MPPED1: variants seen among roughly 807,000 people sequenced by gnomAD.
MPPED1 encodes metallophosphoesterase domain-containing protein 1.
Under a neutral mutation model 36.2 loss-of-function variants are expected in MPPED1, and 16 were observed. That is an observed-to-expected ratio of 0.44 (90% CI 0.30 to 0.67). The LOEUF (loss-of-function observed/expected upper bound fraction) is 0.67, where lower values mean the gene tolerates loss of function less well. Among genes scored for constraint, MPPED1 ranks in the 30% least tolerant of loss-of-function variants. The probability of loss-of-function intolerance (pLI) is 0.10; values close to 1 mark genes in which losing one functional copy is unlikely to be tolerated. For synonymous variants in MPPED1, 199 were observed against 191.3 expected (o/e 1.04, Z -0.33); for missense variants, 307 against 453.4 (o/e 0.68, Z 2.93).
chr22:43,439,276 A>G (rs1930068857), intron 3 of MPPED1, among the ~76,000 whole-genome samples: 1 of 152,260 alleles, frequency 6.6e-6, no homozygotes, highest in South Asian at 2.1e-4. Context: ...TTGGCCATTA[A>G]TATCCCAAAT....
chr22:43,500,404 T>TGGTGGTGATGGAGGTGGTAATGGA (rs1224765370), intron 5 of MPPED1, among the ~76,000 whole-genome samples: 6 of 148,198 alleles, frequency 4.0e-5, no homozygotes, highest in Admixed American at 2.7e-4. Context: ...GAGGTGGTAG[T>TGGTGGTGATGGAGGTGGTAATGGA]GGTGGTGATG....
In MPPED1 at chr22:43,502,726, G is replaced by A. The variant is rs377385218; in HGVS notation, c.831G>A (p.Pro277=). ...LLNTVQRRVQ[P]RLHVFGHIHE... ...ACACGGTGCAGAGGCGCGTCCAGCC[G>A]CGGTTACATGTCTTTGGCCACATCC... The change falls in exon 6 of 7, where the codon CCG becomes CCA. Residue 277 remains proline (P), a synonymous_variant. Coordinates refer to ENST00000443721, the MANE Select transcript of MPPED1 (RefSeq NM_001044370.2). This position sits in a 1 kb window ranked among gnomAD's most constrained non-coding sequence, Gnocchi z 5.5. The A allele has an allele frequency of 1.9e-5, 31 of 1,613,178 alleles. No homozygotes were observed. Among genetic ancestry groups the A allele is most frequent in the Middle Eastern group, 1.6e-4 (1 of 6,082 alleles).
intron 4 of MPPED1, among the ~76,000 whole-genome samples, chr22:43,493,949 C>T (rs921022717): frequency 6.6e-5 from 10 of 152,168 alleles, no homozygotes; most frequent in African/African-American, 2.4e-4. Context: ...TCTCACGGTT[C>T]TGGAGGCTAG....
At chr22:43,478,515 A>T (rs1474947783) in intron 4 of MPPED1, among the ~76,000 whole-genome samples, 1 of 152,092 alleles carries the variant, frequency 6.6e-6, no homozygotes, top group Non-Finnish European at 1.5e-5. Context: ...GAGGCTTCCC[A>T]TGGGGAAAGC....
Position 43,507,321 on chromosome 22 carries a change from G to T in MPPED1, c.*1705G>T, listed in dbSNP as rs535597243. ...TGAGCTCTGAGGAGTCCTGAACCCT[G>T]GGTGCAGCATCCTAGCATCCTGGGA... On this transcript the variant is annotated 3_prime_UTR_variant, in exon 7 of 7. Coordinates refer to ENST00000443721, the MANE Select transcript of MPPED1 (RefSeq NM_001044370.2). The T allele has an allele frequency of 6.6e-6, 1 of 152,374 alleles. No homozygotes were observed. Among genetic ancestry groups the T allele is most frequent in the Non-Finnish European group, 1.5e-5 (1 of 68,074 alleles). The allele number at this position is 152,374 out of a possible 1,614,324, so 9.4% of individuals were successfully genotyped here.
chr22:43,426,935 A>G (rs903816296), intron 2 of MPPED1, among the ~76,000 whole-genome samples: 6 of 152,092 alleles, frequency 3.9e-5, no homozygotes, highest in Admixed American at 2.6e-4. Context: ...TCGGTCTGTG[A>G]GACTTGAGGC....
At chr22:43,415,225 C>CAAAAAAAAAAAAAA (rs34357060) in intron 1 of MPPED1, among the ~76,000 whole-genome samples, 6 of 49,416 alleles carry the variant, frequency 1.2e-4, no homozygotes, top group African/African-American at 2.5e-4. Context: ...ATGTCAAAAG[C>CAAAAAAAAAAAAAA]AAAAAAAAAA....
intron 1 of MPPED1, among the ~76,000 whole-genome samples, chr22:43,420,142 C>T (rs1929213821): frequency 1.3e-5 from 2 of 152,144 alleles, no homozygotes; most frequent in African/African-American, 4.8e-5. Context: ...GAAGTGGAAA[C>T]AGAGAGGTTG....
chr22:43,502,846 G>GAAAAA lies in MPPED1; in HGVS notation c.862+92_862+93insAAAAA, dbSNP rs1932760581. ...ACCTCCCCTTCGTTCAGCCAGAAGGGAAATAAATAGCCCATTCCTACTGTT... is the reference window on the plus strand; with the variant it reads ...ACCTCCCCTTCGTTCAGCCAGAAGGGAAAAAAAATAAATAGCCCATTCCTACTGTT... On this transcript the variant is annotated intron_variant, in intron 6 of 6. Transcript: ENST00000443721. The surrounding 1 kb of genome is among the most constrained non-coding windows in gnomAD (Gnocchi z 5.5). 1.8e-6 allele frequency: 2 copies of GAAAAA among 1,089,208 alleles called. No individual in the cohort carries two copies. Among genetic ancestry groups the GAAAAA allele is most frequent in the African/African-American group, 3.1e-5 (2 of 64,406 alleles). 67.5% of individuals were successfully genotyped at this position (1,089,208 alleles called of 1,614,324 possible).
intron 5 of MPPED1, among the ~76,000 whole-genome samples, chr22:43,498,992 G>T (rs573640239): frequency 9.5e-4 from 145 of 152,242 alleles, no homozygotes; most frequent in African/African-American, 3.3e-3. Context: ...TGCTGACCCT[G>T]CCTCAGTCCA....
chr22:43,457,076 CT>C (rs973036158), intron 3 of MPPED1, among the ~76,000 whole-genome samples: 1 of 152,046 alleles, frequency 6.6e-6, no homozygotes, highest in African/African-American at 2.4e-5. Flanking sequence ...CTGTGGTTTT[CT>C]TTTCTTGTGA....
chr22:43,478,170 C>G (rs1271575881), intron 4 of MPPED1, among the ~76,000 whole-genome samples: 1 of 152,226 alleles, frequency 6.6e-6, no homozygotes, highest in Non-Finnish European at 1.5e-5. Context: ...TCTTCCTGCT[C>G]CAGGGCGGAG....
At chr22:43,449,765 C>T (rs1015045590) in intron 3 of MPPED1, among the ~76,000 whole-genome samples, 11 of 152,210 alleles carry the variant, frequency 7.2e-5, no homozygotes, top group African/African-American at 2.7e-4. Context: ...GTGACTTAGC[C>T]TCCCTGGACC....
chr22:43,486,901 A>C lies in MPPED1; in HGVS notation c.633-11334A>C, dbSNP rs552263127. Among the ~76,000 whole-genome samples, 155 of 152,214 alleles carry C rather than the reference A, an allele frequency of 1.0e-3. No homozygotes were observed. In the Middle Eastern group the frequency reaches 0.027, roughly 27 times the overall value. ...GAGAGGGAGAGAGAATGGGACACTC[A>C]GCAGATGGCAGAGGTCTCAGAGAGT... On this transcript the variant is annotated intron_variant, in intron 4 of 6. Coordinates refer to ENST00000443721, the MANE Select transcript of MPPED1 (RefSeq NM_001044370.2).
chr22:43,428,347 C>G (rs73166202), intron 2 of MPPED1, among the ~76,000 whole-genome samples: 1 of 152,214 alleles, frequency 6.6e-6, no homozygotes, highest in African/African-American at 2.4e-5. Context: ...GGAGCATGCT[C>G]CGAGCTCCAG....
chr22:43,423,260 C>G (rs1929340386), intron 1 of MPPED1, among the ~76,000 whole-genome samples: 1 of 152,212 alleles, frequency 6.6e-6, no homozygotes, highest in Non-Finnish European at 1.5e-5. Context: ...GGGCCTGGCT[C>G]AGAGTATGCG....
intron 2 of MPPED1, among the ~76,000 whole-genome samples, chr22:43,432,255 AAG>A (rs1218664583): frequency 6.7e-6 from 1 of 148,292 alleles, no homozygotes; most frequent in South Asian, 2.2e-4. Context: ...GAGGGAGGGA[AAG>A]AGAGAGAAAG....
intron 4 of MPPED1, among the ~76,000 whole-genome samples, chr22:43,495,578 G>T: frequency 1.8e-5 from 2 of 109,490 alleles, no homozygotes; most frequent in East Asian, 6.2e-4. Flanking sequence ...GGTGATGGTG[G>T]AGGTGGTGGT....
In MPPED1 at chr22:43,502,832, G is replaced by A. The variant is rs1054542168; in HGVS notation, c.862+75G>A. On this transcript the variant is annotated intron_variant, in intron 6 of 6. Coordinates refer to ENST00000443721, the MANE Select transcript of MPPED1 (RefSeq NM_001044370.2). The surrounding 1 kb of genome is among the most constrained non-coding windows in gnomAD (Gnocchi z 5.5). The stretch of plus-strand genomic sequence containing the variant: ...GACCCTCCAGCAGGACCTCCCCTTC[G>A]TTCAGCCAGAAGGGAAATAAATAGC... 11 of 1,257,306 alleles carry A rather than the reference G, an allele frequency of 8.7e-6. No individual in the cohort carries two copies. The highest frequency in any genetic ancestry group is 2.3e-5 in the East Asian group (1 of 43,268). 77.9% of individuals were successfully genotyped at this position (1,257,306 alleles called of 1,614,324 possible).
Sources: gnomAD v4.1 joint callset for allele counts (sites outside exome capture counted in the v4.1 genomes callset) on GRCh38, gnomAD v4.1.1 for gene constraint, Gnocchi (gnomAD v3.1) non-coding constraint, MANE v1.5 for transcripts, NCBI Gene and HGNC (gene_info 2026-07-23, HGNC 2026-07-21) for gene names.